The following MAP4K5 variants were observed in gnomAD, a reference collection of about 807,000 sequenced individuals.
MAP4K5 encodes the protein mitogen-activated protein kinase kinase kinase kinase 5.
Under a neutral mutation model 135.6 loss-of-function variants are expected in MAP4K5, and 82 were observed. That is an observed-to-expected ratio of 0.60 (90% CI 0.51 to 0.73). The LOEUF is 0.73. Among genes scored for constraint, MAP4K5 ranks in the 30% least tolerant of loss-of-function variants. The pLI is 0.00. For missense variants in MAP4K5, 907 were observed against 1,010.9 expected, an observed-to-expected ratio of 0.90 and a Z score of 1.39; for synonymous variants, 347 against 335.0, an observed-to-expected ratio of 1.04 and a Z score of -0.39.
chr14:50,427,346 C>G (rs1477628226), intron 30 of MAP4K5, among the ~76,000 whole-genome samples: 2 of 152,052 alleles, frequency 1.3e-5, no homozygotes, highest in Non-Finnish European at 2.9e-5. Flanking sequence ...AAACTAGTTT[C>G]CAAAATTTCT....
intron 1 of MAP4K5, among the ~76,000 whole-genome samples, chr14:50,542,792 A>G (rs73289869): frequency 0.044 from 6,771 of 152,308 alleles, 484 homozygotes; most frequent in African/African-American, 0.15. Flanking sequence ...TGCCCACACC[A>G]TAATGGGGTG....
intron 11 of MAP4K5, among the ~76,000 whole-genome samples, chr14:50,465,443 A>G (rs982350007): frequency 5.9e-5 from 9 of 152,208 alleles, no homozygotes; most frequent in Non-Finnish European, 1.0e-4. Flanking sequence ...CCAATTGATG[A>G]CATCTTTTTG....
At position 50,420,081 on chromosome 14, in the gene MAP4K5, T is replaced by G. The variant is rs748467762; in HGVS notation, c.2479A>C (p.Thr827Pro). 5 of 1,610,134 alleles carry G rather than the reference T, an allele frequency of 3.1e-6. No homozygotes were observed. The East Asian group carries it at 8.9e-5, about 29-fold the overall frequency. Residue 827 changes from threonine (T) to proline (P), a missense_variant, in exon 33 of 33, where the codon ACA becomes CCA. Thr to Pro is a conservative substitution (Grantham distance 38, BLOSUM62 -1). Around this residue, in one of 3 missense-constraint regions of MAP4K5, gnomAD observed 690 missense variants for 777.4 expected, o/e 0.89. Coordinates refer to ENST00000682126, the MANE Select transcript of MAP4K5 (RefSeq NM_006575.6). ...TTGCTGTGTGCAGTAGGATTTTCTG[T>G]TGGCCTACTTTCCAAAACGACAACC... is the stretch of plus-strand genomic sequence containing the variant. ...DRVVVLESRP[T>P]ENPTAHSNLY...
intron 15 of MAP4K5, 60 bp from the exon 16 acceptor site, chr14:50,447,541 T>C: frequency 1.1e-6 from 1 of 943,558 alleles, no homozygotes; most frequent in Non-Finnish European, 1.6e-6. Context: ...ACCATTTTAT[T>C]TGATTCAAGA....
At position 50,490,159 on chromosome 14, in the gene MAP4K5, G is replaced by GTGTGTGTGTGTA. The variant is rs71441284; in HGVS notation, c.167-3966_167-3965insTACACACACACA. On this transcript the variant is annotated intron_variant, in intron 3 of 32. Transcript: ENST00000682126. The stretch of plus-strand genomic sequence containing the variant: ...TGTGTGTGTGTGTGTGTGTGTGTGT[G>GTGTGTGTGTGTA]TAAGGGAACTCAGCCTGATACTCTT... 6.1e-3 allele frequency among the ~76,000 whole-genome samples: 835 copies of GTGTGTGTGTGTA among 137,992 alleles called. 11 individuals carry two copies. The highest frequency in any genetic ancestry group is 0.013 in the African/African-American group (497 of 37,518). The allele number at this position is 137,992 out of a possible 152,430, so 90.5% of individuals were successfully genotyped here.
At chr14:50,494,657 T>C (rs1418509484) in intron 3 of MAP4K5, among the ~76,000 whole-genome samples, 2 of 152,178 alleles carry the variant, frequency 1.3e-5, no homozygotes, top group East Asian at 3.8e-4. Flanking sequence ...GGAAGACTCA[T>C]GCTTCCTGAT....
At chr14:50,549,286 A>C (rs2038673180) in intron 1 of MAP4K5, among the ~76,000 whole-genome samples, 1 of 152,230 alleles carries the variant, frequency 6.6e-6, no homozygotes, top group Non-Finnish European at 1.5e-5. Flanking sequence ...CCATATAGGT[A>C]CATCATAAGA....
rs141612197 is a variant in MAP4K5 at position 50,419,020 on chromosome 14, T to G, written c.*999A>C. The G allele has an allele frequency of 1.3e-5, 2 of 152,226 alleles. No homozygotes were observed. Among genetic ancestry groups the G allele is most frequent in the African/African-American group, 4.8e-5 (2 of 41,548 alleles). The allele number at this position is 152,226 out of a possible 1,614,324, so 9.4% of individuals were successfully genotyped here. On this transcript the variant is annotated 3_prime_UTR_variant, in exon 33 of 33. Transcript: ENST00000682126. ...TACTCAAAATGAATACCTACATATG[T>G]GAAAAACCCAAGATTACATGTGTAA...
intron 13 of MAP4K5, among the ~76,000 whole-genome samples, chr14:50,461,135 C>CCT (rs1056862392): frequency 6.6e-6 from 1 of 152,078 alleles, no homozygotes; most frequent in Non-Finnish European, 1.5e-5. Flanking sequence ...AAGAGATCCT[C>CCT]CTGCCTCAGC....
At chr14:50,537,887 G>A (rs1324876096) in intron 2 of MAP4K5, among the ~76,000 whole-genome samples, 1 of 152,210 alleles carries the variant, frequency 6.6e-6, no homozygotes, top group East Asian at 1.9e-4. Flanking sequence ...ATTGGTGGAA[G>A]GGACTTGCCT....
At chr14:50,457,696 A>G (rs1374877735) in intron 13 of MAP4K5, among the ~76,000 whole-genome samples, 1 of 152,120 alleles carries the variant, frequency 6.6e-6, no homozygotes, top group Admixed American at 6.6e-5. Context: ...ACTCTAACAC[A>G]TGAATTTCCT....
chr14:50,540,630 C>T (rs79674187), intron 2 of MAP4K5, among the ~76,000 whole-genome samples: 18 of 152,028 alleles, frequency 1.2e-4, no homozygotes, highest in Admixed American at 9.8e-4. Context: ...CTCAAAATAC[C>T]GCCAAAATTC....
chr14:50,551,844 C>T (rs1448268561), intron 1 of MAP4K5, among the ~76,000 whole-genome samples: 1 of 152,028 alleles, frequency 6.6e-6, no homozygotes, highest in East Asian at 1.9e-4. Flanking sequence ...AAAAAATTGT[C>T]ATAGATGGGA....
In MAP4K5 at chr14:50,487,341, T is replaced by G. The variant is rs1469470999; in HGVS notation, c.167-1147A>C. ...ACAAAACAAAAACCCATACATACAT[T>G]TAGTTTAACTATTAATATGACACAT... On this transcript the variant is annotated intron_variant, in intron 3 of 32. Coordinates refer to ENST00000682126, the MANE Select transcript of MAP4K5 (RefSeq NM_006575.6). Among the ~76,000 whole-genome samples the G allele has an allele frequency of 2.0e-5, 3 of 147,220 alleles. No homozygotes were observed. In the Admixed American group the frequency reaches 2.1e-4, roughly 10 times the overall value.
chr14:50,515,063 T>C (rs1053487100), intron 2 of MAP4K5, among the ~76,000 whole-genome samples: 1 of 152,048 alleles, frequency 6.6e-6, no homozygotes. Context: ...GCCGCCACGC[T>C]AGGCTAATTT....
chr14:50,555,548 T>C (rs1418287656), intron 1 of MAP4K5, among the ~76,000 whole-genome samples: 2 of 152,226 alleles, frequency 1.3e-5, no homozygotes, highest in Admixed American at 1.3e-4. Context: ...CCTCTCAAAG[T>C]GCTGGGATTA....
chr14:50,466,700 T>G (rs1035964269), intron 10 of MAP4K5, 55 bp from the exon 11 acceptor site: 14 of 772,212 alleles, frequency 1.8e-5, no homozygotes, highest in Non-Finnish European at 3.2e-5. Flanking sequence ...ATCTAACAAT[T>G]AGAAAGAATA....
At chr14:50,463,515 T>C (rs2036757762) in intron 12 of MAP4K5, among the ~76,000 whole-genome samples, 1 of 152,148 alleles carries the variant, frequency 6.6e-6, no homozygotes. Flanking sequence ...TGGGCTATAA[T>C]GGCAGAACTC....
At chr14:50,474,766 A>C (rs2037058348) in intron 9 of MAP4K5, among the ~76,000 whole-genome samples, 1 of 152,238 alleles carries the variant, frequency 6.6e-6, no homozygotes, top group African/African-American at 2.4e-5. Flanking sequence ...AAAGTCCTAG[A>C]TTAAAAGAGA....
Sources: allele counts gnomAD v4.1 joint callset (sites outside exome capture counted in the v4.1 genomes callset), GRCh38; gene constraint gnomAD v4.1.1; regional missense constraint gnomAD v4.1.1; transcripts MANE v1.5; gene names NCBI Gene and HGNC (gene_info 2026-07-23, HGNC 2026-07-21).